The following CELF4 variants were observed in gnomAD, a reference collection of about 807,000 sequenced individuals.
CELF4 encodes the protein CUGBP Elav-like family member 4.
In CELF4, 18 loss-of-function variants were observed where a neutral mutation model predicts 59.9. The observed-to-expected ratio is 0.30, with a 90% CI of 0.21 to 0.45. The LOEUF (loss-of-function observed/expected upper bound fraction) is 0.45. Among genes scored for constraint, CELF4 ranks in the 20% least tolerant of loss-of-function variants. The pLI, the probability that CELF4 is intolerant of heterozygous loss-of-function variation, is 1.00. For missense variants in CELF4, 456 were observed against 689.0 expected (o/e 0.66, Z 3.79); for synonymous variants, 261 against 267.1 (o/e 0.98, Z 0.22).
At chr18:37,279,790 C>T (rs1365916977) in intron 3 of CELF4, among the ~76,000 whole-genome samples, 1 of 152,190 alleles carries the variant, frequency 6.6e-6, no homozygotes, top group Non-Finnish European at 1.5e-5. Flanking sequence ...GGCAGGACCC[C>T]GGATAACACC....
intron 2 of CELF4, among the ~76,000 whole-genome samples, chr18:37,405,657 G>T (rs2099382797): frequency 6.6e-6 from 1 of 152,170 alleles, no homozygotes; most frequent in Non-Finnish European, 1.5e-5. Flanking sequence ...ACACCAGAGG[G>T]TCCCTAAGAT....
intron 1 of CELF4, among the ~76,000 whole-genome samples, chr18:37,494,496 C>T (rs532816160): frequency 2.6e-5 from 4 of 152,334 alleles, no homozygotes; most frequent in African/African-American, 9.6e-5. Context: ...TGGCCAGCAG[C>T]TCCTACTGGT....
intron 7 of CELF4, among the ~76,000 whole-genome samples, chr18:37,272,146 G>A (rs1346219763): frequency 1.3e-5 from 2 of 152,206 alleles, no homozygotes; most frequent in African/African-American, 4.8e-5. Flanking sequence ...GAGAGCCAAG[G>A]AAGCTCAGTG....
At position 37,264,769 on chromosome 18, in the gene CELF4, A is replaced by G; in HGVS notation, c.1166-12T>C. 6.4e-7 allele frequency: 1 copy of G among 1,564,112 alleles called. No individual in the cohort carries two copies. The highest frequency in any genetic ancestry group is 1.4e-5 in the African/African-American group (1 of 73,910). On this transcript the variant is annotated splice_polypyrimidine_tract_variant and intron_variant, in intron 9 of 12. Transcript: ENST00000420428. ...AGGGTAGGCAGCTGCTGGAGGCCCA[A>G]GACAAGAAGCAAGAGCCGGCGACAA... is the stretch of plus-strand genomic sequence containing the variant.
chr18:37,539,348 A>G (rs2099975981), intron 1 of CELF4, among the ~76,000 whole-genome samples: 1 of 152,196 alleles, frequency 6.6e-6, no homozygotes, highest in Non-Finnish European at 1.5e-5. Flanking sequence ...GGGAGAGCCC[A>G]CATTCCAAGC....
chr18:37,503,048 C>T (rs952424925), intron 1 of CELF4, among the ~76,000 whole-genome samples: 40 of 152,320 alleles, frequency 2.6e-4, no homozygotes, highest in African/African-American at 8.7e-4. Flanking sequence ...ATTTCCACCA[C>T]GGTGCAGAGG....
chr18:37,451,418 C>T (rs1233506270), intron 2 of CELF4, among the ~76,000 whole-genome samples: 2 of 152,014 alleles, frequency 1.3e-5, no homozygotes, highest in Admixed American at 1.3e-4. Flanking sequence ...GTTGTGTATG[C>T]ATGTGTCTTT....
chr18:37,527,504 C>G (rs1472533350), intron 1 of CELF4, among the ~76,000 whole-genome samples: 2 of 152,120 alleles, frequency 1.3e-5, no homozygotes, highest in East Asian at 3.9e-4. Context: ...GTAAACTGAA[C>G]TGATGTTTCC....
rs114356025 is a variant in CELF4 at position 37,464,343 on chromosome 18, A to G, written c.369+21182T>C. On this transcript the variant is annotated intron_variant, in intron 2 of 12. Transcript: ENST00000420428. ...GCCAAGCTCCACACACTGCCTTTCTATCTGGGAGGCCTTTCTGATGCCTCC... is the reference window on the plus strand; with the variant it reads ...GCCAAGCTCCACACACTGCCTTTCTGTCTGGGAGGCCTTTCTGATGCCTCC... Among the ~76,000 whole-genome samples, 522 of 152,246 alleles carry G rather than the reference A, an allele frequency of 3.4e-3. 4 individuals carry two copies. Among genetic ancestry groups the G allele is most frequent in the African/African-American group, 0.011 (474 of 41,554 alleles).
chr18:37,399,049 G>T (rs1887801239), intron 2 of CELF4, among the ~76,000 whole-genome samples: 1 of 152,138 alleles, frequency 6.6e-6, no homozygotes, highest in South Asian at 2.1e-4. Context: ...ATTGTAGTAG[G>T]CACTGTGCCA....
At chr18:37,247,892 C>A (rs1332894683) in intron 12 of CELF4, among the ~76,000 whole-genome samples, 2 of 152,182 alleles carry the variant, frequency 1.3e-5, no homozygotes, top group Non-Finnish European at 2.9e-5. Context: ...TTCTCTCCCC[C>A]AGGGGTGGCG....
intron 2 of CELF4, among the ~76,000 whole-genome samples, chr18:37,379,484 C>A (rs114156534): frequency 0.025 from 2,453 of 98,720 alleles, 30 homozygotes; most frequent in Middle Eastern, 0.064. Flanking sequence ...CCAGCTCTGG[C>A]ATCACAAATA....
At position 37,498,890 on chromosome 18, in the gene CELF4, C is replaced by G. The variant is rs896444841; in HGVS notation, c.287-13283G>C. On this transcript the variant is annotated intron_variant, in intron 1 of 12. Coordinates refer to ENST00000420428, the MANE Select transcript of CELF4 (RefSeq NM_020180.4). The stretch of plus-strand genomic sequence containing the variant: ...AATCTGTGAAATGGGGATAATGACA[C>G]TCACCTGCTGGGGTCCTGAGTGCCC... Among the ~76,000 whole-genome samples the G allele has an allele frequency of 2.6e-5, 4 of 152,282 alleles. No individual in the cohort carries two copies. The East Asian group carries it at 5.8e-4, about 22-fold the overall frequency.
chr18:37,296,288 C>T (rs1280322624), intron 3 of CELF4, among the ~76,000 whole-genome samples: 1 of 152,200 alleles, frequency 6.6e-6, no homozygotes, highest in Non-Finnish European at 1.5e-5. Context: ...CCTAAGACTA[C>T]AGGTGTTACA....
chr18:37,314,033 C>T (rs1231221323), intron 3 of CELF4, among the ~76,000 whole-genome samples: 1 of 152,246 alleles, frequency 6.6e-6, no homozygotes, highest in East Asian at 1.9e-4. Flanking sequence ...GGATGCCTCC[C>T]AGGCTGTCAC....
At chr18:37,552,738 C>T (rs1162974482) in intron 1 of CELF4, among the ~76,000 whole-genome samples, 1 of 152,236 alleles carries the variant, frequency 6.6e-6, no homozygotes, top group Non-Finnish European at 1.5e-5. Context: ...GGTACAGGAG[C>T]CTGGCTTTCT....
intron 2 of CELF4, among the ~76,000 whole-genome samples, chr18:37,368,908 TTTGGGGGAG>T (rs2098822819): frequency 6.6e-6 from 1 of 152,198 alleles, no homozygotes; most frequent in South Asian, 2.1e-4. Context: ...GGCATCCCTG[TTTGGGGGAG>T]ATGTGTGGTC....
rs1464659954 is a variant in CELF4 at position 37,470,413 on chromosome 18, C to A, written c.369+15112G>T. 5.3e-5 allele frequency among the ~76,000 whole-genome samples: 8 copies of A among 152,310 alleles called. No homozygotes were observed. The East Asian group carries it at 1.5e-3, about 29-fold the overall frequency. ...AAGTAATAAAACTTCACTGAGCACACCCCATAATATGGATGCTAATGGAAA... is the reference window on the plus strand; with the variant it reads ...AAGTAATAAAACTTCACTGAGCACAACCCATAATATGGATGCTAATGGAAA... On this transcript the variant is annotated intron_variant, in intron 2 of 12. Transcript: ENST00000420428.
At chr18:37,540,956 G>A (rs1205215300) in intron 1 of CELF4, among the ~76,000 whole-genome samples, 1 of 151,958 alleles carries the variant, frequency 6.6e-6, no homozygotes, top group Admixed American at 6.6e-5. Flanking sequence ...GCATGGGGAA[G>A]GAGGACTCCC....
Sources: gnomAD v4.1 joint callset for allele counts (sites outside exome capture counted in the v4.1 genomes callset) on GRCh38, gnomAD v4.1.1 for gene constraint, MANE v1.5 for transcripts, NCBI Gene and HGNC (gene_info 2026-07-23, HGNC 2026-07-21) for gene names.